The following C12orf42 variants were observed in gnomAD, a reference collection of about 807,000 sequenced individuals.
C12orf42 encodes chromosome 12 open reading frame 42.
C12orf42 carries 25 observed loss-of-function variants against 21.6 expected under a neutral mutation model. The observed-to-expected ratio is 1.16, with a 90% CI of 0.84 to 1.62. The LOEUF is 1.62. C12orf42 is among the 40% of genes most tolerant of loss of function. C12orf42 has a pLI of 0.00. For synonymous variants in C12orf42, 174 were observed against 175.0 expected, an observed-to-expected ratio of 0.99 and a Z score of 0.05; for missense variants, 483 against 459.3, an observed-to-expected ratio of 1.05 and a Z score of -0.47.
intron 4 of C12orf42, among the ~76,000 whole-genome samples, chr12:103,363,256 T>C (rs1207172424): frequency 1.3e-5 from 2 of 152,024 alleles, no homozygotes; most frequent in Non-Finnish European, 2.9e-5. Flanking sequence ...CTAAGCTTCA[T>C]AAATAAAGGA....
intron 10 of C12orf42, among the ~76,000 whole-genome samples, chr12:103,252,771 AT>A (rs1384445086): frequency 6.6e-6 from 1 of 151,952 alleles, no homozygotes; most frequent in Non-Finnish European, 1.5e-5. Flanking sequence ...CACTCTGATG[AT>A]CGGTTCTTTT....
At chr12:103,344,488 C>G (rs996507143) in intron 4 of C12orf42, among the ~76,000 whole-genome samples, 1 of 152,134 alleles carries the variant, frequency 6.6e-6, no homozygotes, top group African/African-American at 2.4e-5. Context: ...CAATTGGTGA[C>G]ATAATGACAT....
chr12:103,445,226 C>T (rs1951503327), intron 2 of C12orf42, among the ~76,000 whole-genome samples: 1 of 152,030 alleles, frequency 6.6e-6, no homozygotes, highest in South Asian at 2.1e-4. Context: ...TTGGAGGAAA[C>T]CCAGCTGGTG....
intron 4 of C12orf42, among the ~76,000 whole-genome samples, chr12:103,294,623 AGAAAGAAAGAAAGAAG>A (rs1356139037): frequency 4.4e-5 from 6 of 135,254 alleles, no homozygotes; most frequent in African/African-American, 2.1e-4. Context: ...AAAGAAAGAA[AGAAAGAAAGAAAGAAG>A]GAAAAGAAAG....
the C12orf42 span, among the ~76,000 whole-genome samples, chr12:103,189,570 C>T: frequency 6.6e-6 from 1 of 152,214 alleles, no homozygotes. Context: ...ACCCATTCCC[C>T]AAATCTGCAT....
At chr12:103,128,254 A>G in the C12orf42 span, among the ~76,000 whole-genome samples, 2 of 152,264 alleles carry the variant, frequency 1.3e-5, no homozygotes, top group Admixed American at 1.3e-4. Flanking sequence ...AGAAAAAGCA[A>G]AGAGAGAAAA....
chr12:103,458,339 T>C (rs1237123449), intron 2 of C12orf42, among the ~76,000 whole-genome samples: 2 of 150,542 alleles, frequency 1.3e-5, no homozygotes, highest in African/African-American at 4.9e-5. Flanking sequence ...AAAAAAAAAA[T>C]AGTACTTTTC....
intron 3 of C12orf42, among the ~76,000 whole-genome samples, chr12:103,398,579 T>C (rs973806944): frequency 3.9e-5 from 6 of 152,134 alleles, no homozygotes; most frequent in African/African-American, 1.4e-4. Context: ...AGGAAACCCG[T>C]TTATACCCCT....
At chr12:103,096,237 G>T in the C12orf42 span, among the ~76,000 whole-genome samples, 1 of 152,176 alleles carries the variant, frequency 6.6e-6, no homozygotes, top group Admixed American at 6.5e-5. Context: ...GGTTTGTAAA[G>T]GCATACAGTG....
At chr12:103,453,182 G>T (rs938878941) in intron 2 of C12orf42, among the ~76,000 whole-genome samples, 8 of 151,222 alleles carry the variant, frequency 5.3e-5, no homozygotes, top group Non-Finnish European at 1.2e-4. Flanking sequence ...ACTTATTAAA[G>T]CATTAATTTT....
intron 5 of C12orf42, among the ~76,000 whole-genome samples, chr12:103,276,989 G>T (rs2035810416): frequency 1.3e-5 from 2 of 152,066 alleles, no homozygotes; most frequent in South Asian, 4.1e-4. Context: ...GATTGAAAGA[G>T]AAATAAAATT....
intron 2 of C12orf42, among the ~76,000 whole-genome samples, chr12:103,426,683 A>T (rs577182514): frequency 9.4e-4 from 143 of 152,338 alleles, no homozygotes; most frequent in Admixed American, 2.7e-3. Flanking sequence ...GGTTGAAATG[A>T]AGGAAAAAAT....
chr12:103,304,356 G>A (rs1566041413), intron 5 of C12orf42, among the ~76,000 whole-genome samples: 2 of 152,134 alleles, frequency 1.3e-5, no homozygotes, highest in Admixed American at 1.3e-4. Context: ...GCAGACTAAC[G>A]AGCAAGTGAA....
intron 2 of C12orf42, among the ~76,000 whole-genome samples, chr12:103,427,371 A>AC (rs1949919529): frequency 6.6e-6 from 1 of 152,108 alleles, no homozygotes; most frequent in Non-Finnish European, 1.5e-5. Flanking sequence ...TTAAAAAAAA[A>AC]AAAACAAGGA....
At chr12:103,400,370 T>C (rs2047893991) in intron 3 of C12orf42, among the ~76,000 whole-genome samples, 1 of 152,242 alleles carries the variant, frequency 6.6e-6, no homozygotes, top group South Asian at 2.1e-4. Context: ...TCCCCTTTCA[T>C]GAAGTGTTGC....
the C12orf42 span, among the ~76,000 whole-genome samples, chr12:103,198,294 A>T: frequency 6.6e-6 from 1 of 151,942 alleles, no homozygotes; most frequent in African/African-American, 2.4e-5. Flanking sequence ...CCTCTGCCAG[A>T]GAAGGAGCTA....
the C12orf42 span, among the ~76,000 whole-genome samples, chr12:103,219,884 C>T: frequency 6.6e-6 from 1 of 152,154 alleles, no homozygotes; most frequent in Non-Finnish European, 1.5e-5. Context: ...CCAGAAGTAA[C>T]ATTTGACCCA....
chr12:103,477,982 C>CT lies in C12orf42; in HGVS notation c.78+366_78+367insA, dbSNP rs1353110579. On this transcript the variant is annotated intron_variant, in intron 2 of 5. Coordinates refer to ENST00000548883, the MANE Select transcript of C12orf42 (RefSeq NM_198521.5). ...GAAAAGTTTGTCTTCAGTTAAAAGC[C>CT]CAGGCTTGTGCAACTTCTTAGGAAC... The CT allele has an allele frequency of 2.7e-5, 5 of 185,860 alleles. No individual in the cohort carries two copies. In the East Asian group the frequency reaches 8.7e-4, roughly 32 times the overall value. The allele number at this position is 185,860 out of a possible 1,614,324, so 11.5% of individuals were successfully genotyped here. A position where few individuals can be genotyped will look rare whatever the true frequency, so the allele number is the denominator to read the frequency against.
intron 2 of C12orf42, among the ~76,000 whole-genome samples, chr12:103,432,546 G>C (rs763774816): frequency 2.0e-5 from 3 of 152,220 alleles, no homozygotes; most frequent in Non-Finnish European, 4.4e-5. Context: ...TCTCTAAAGA[G>C]GCTTGCTGTC....
Sources: allele counts gnomAD v4.1 joint callset (sites outside exome capture counted in the v4.1 genomes callset), GRCh38; gene constraint gnomAD v4.1.1; transcripts MANE v1.5; gene names NCBI Gene and HGNC (gene_info 2026-07-23, HGNC 2026-07-21).